PDIA5: variants seen among roughly 807,000 people sequenced by gnomAD.
PDIA5 encodes protein disulfide isomerase family A member 5.
In PDIA5, 58 loss-of-function variants were observed where a neutral mutation model predicts 77.6. The observed-to-expected ratio is 0.75, with a 90% CI of 0.61 to 0.93. The LOEUF (loss-of-function observed/expected upper bound fraction) is 0.93. Ranked by LOEUF, PDIA5 falls within the 40% of genes least tolerant of loss-of-function variation. The pLI, the probability that PDIA5 is intolerant of heterozygous loss-of-function variation, is 0.00. For missense variants in PDIA5, 630 were observed against 647.7 expected, an observed-to-expected ratio of 0.97 and a Z score of 0.30; for synonymous variants, 250 against 252.1, an observed-to-expected ratio of 0.99 and a Z score of 0.08.
chr3:123,137,160 C>G (rs530250357), intron 11 of PDIA5, among the ~76,000 whole-genome samples: 1 of 152,300 alleles, frequency 6.6e-6, no homozygotes, highest in Admixed American at 6.5e-5. Flanking sequence ...CCAAACCCAG[C>G]GGGTGACAGA....
intron 1 of PDIA5, among the ~76,000 whole-genome samples, chr3:123,082,442 T>G (rs953413052): frequency 2.0e-5 from 3 of 152,062 alleles, no homozygotes; most frequent in Non-Finnish European, 4.4e-5. Context: ...ACTGGGGTAT[T>G]GTGAGGGGTA....
intron 10 of PDIA5, among the ~76,000 whole-genome samples, chr3:123,128,120 A>G (rs1935285325): frequency 6.6e-6 from 1 of 152,136 alleles, no homozygotes; most frequent in East Asian, 1.9e-4. Flanking sequence ...GAGAGGGGAG[A>G]GCCCTAGGAT....
chr3:123,093,131 T>G (rs1263295432), intron 3 of PDIA5, among the ~76,000 whole-genome samples: 1 of 152,156 alleles, frequency 6.6e-6, no homozygotes, highest in Non-Finnish European at 1.5e-5. Context: ...CATAACTGAT[T>G]TATAAGTTGA....
intron 8 of PDIA5, among the ~76,000 whole-genome samples, chr3:123,121,679 T>C (rs1017512557): frequency 6.6e-6 from 1 of 152,174 alleles, no homozygotes; most frequent in Non-Finnish European, 1.5e-5. Context: ...GTAAGGGGAC[T>C]GGAAGGCACC....
At chr3:123,117,374 T>TATATA (rs1935019779) in intron 8 of PDIA5, among the ~76,000 whole-genome samples, 1 of 79,870 alleles carries the variant, frequency 1.3e-5, no homozygotes, top group African/African-American at 4.8e-5. Flanking sequence ...TTCTATGATT[T>TATATA]TATATATATA....
intron 14 of PDIA5, among the ~76,000 whole-genome samples, chr3:123,150,787 G>A (rs563382839): frequency 7.7e-4 from 116 of 151,540 alleles, no homozygotes; most frequent in Non-Finnish European, 1.3e-3. Flanking sequence ...CTCTGGAGCC[G>A]TGGCATAGGC....
intron 1 of PDIA5, among the ~76,000 whole-genome samples, chr3:123,079,970 C>T (rs1933954723): frequency 6.6e-6 from 1 of 152,122 alleles, no homozygotes; most frequent in Non-Finnish European, 1.5e-5. Context: ...GCACATTACT[C>T]TTTTCAAGCT....
At chr3:123,152,296 A>T (rs746276007) in intron 14 of PDIA5, among the ~76,000 whole-genome samples, 15 of 152,284 alleles carry the variant, frequency 9.9e-5, no homozygotes, top group Non-Finnish European at 1.5e-4. Context: ...TGAGGGGCTC[A>T]CTGTCTACCC....
At chr3:123,094,342 G>A (rs895892593) in intron 3 of PDIA5, among the ~76,000 whole-genome samples, 9 of 152,230 alleles carry the variant, frequency 5.9e-5, no homozygotes, top group African/African-American at 2.2e-4. Flanking sequence ...CTGGGTGTGA[G>A]TTTGAAATTA....
At chr3:123,084,228 T>A (rs965140562) in intron 1 of PDIA5, among the ~76,000 whole-genome samples, 3 of 152,176 alleles carry the variant, frequency 2.0e-5, no homozygotes, top group African/African-American at 7.2e-5. Context: ...CTGTGGCACT[T>A]CCTTGCACCT....
intron 7 of PDIA5, among the ~76,000 whole-genome samples, chr3:123,112,682 C>T (rs569795807): frequency 1.4e-4 from 21 of 151,796 alleles, no homozygotes; most frequent in Admixed American, 9.8e-4. Context: ...CTCAGCTTCC[C>T]GAGTAGCTGG....
intron 1 of PDIA5, among the ~76,000 whole-genome samples, chr3:123,074,766 A>T (rs1933807334): frequency 6.6e-6 from 1 of 152,228 alleles, no homozygotes. Context: ...TTCATAATAC[A>T]GGAAAGGCTA....
intron 8 of PDIA5, among the ~76,000 whole-genome samples, chr3:123,123,259 A>C (rs1177597543): frequency 6.6e-6 from 1 of 152,184 alleles, no homozygotes; most frequent in Non-Finnish European, 1.5e-5. Context: ...GTTTTAGGGG[A>C]TTCCTTATAT....
At chr3:123,122,882 C>CT (rs1186150225) in intron 8 of PDIA5, among the ~76,000 whole-genome samples, 1 of 152,160 alleles carries the variant, frequency 6.6e-6, no homozygotes, top group African/African-American at 2.4e-5. Flanking sequence ...CTACTGCTGG[C>CT]TTTTTTTACT....
chr3:123,145,893 A>C (rs2107982206), intron 12 of PDIA5, among the ~76,000 whole-genome samples: 3 of 152,350 alleles, frequency 2.0e-5, no homozygotes, highest in Middle Eastern at 6.8e-3. Flanking sequence ...GGCAGATTCA[A>C]AAGCCTCATC....
chr3:123,155,806 C>T (rs1166166568), intron 15 of PDIA5, among the ~76,000 whole-genome samples: 1 of 152,122 alleles, frequency 6.6e-6, no homozygotes, highest in East Asian at 1.9e-4. Flanking sequence ...TCACACACAC[C>T]CAAACCCAGA....
chr3:123,108,507 T>C (rs1934789117), intron 6 of PDIA5, among the ~76,000 whole-genome samples: 1 of 150,180 alleles, frequency 6.7e-6, no homozygotes. Context: ...CTTGAACTCC[T>C]GACCTCAAGT....
chr3:123,106,412 T>A (rs1423502557), intron 5 of PDIA5, among the ~76,000 whole-genome samples: 3 of 152,190 alleles, frequency 2.0e-5, no homozygotes, highest in Admixed American at 6.5e-5. Context: ...CACTAGTATG[T>A]CTCTGGTTTG....
chr3:123,125,468 G>T (rs117306377), intron 10 of PDIA5, among the ~76,000 whole-genome samples: 1 of 152,096 alleles, frequency 6.6e-6, no homozygotes, highest in Admixed American at 6.5e-5. Flanking sequence ...CTGCAGCCCC[G>T]ACAGTCCAAC....
Sources: allele counts gnomAD v4.1 joint callset (sites outside exome capture counted in the v4.1 genomes callset), GRCh38; gene constraint gnomAD v4.1.1; transcripts MANE v1.5; gene names NCBI Gene and HGNC (gene_info 2026-07-23, HGNC 2026-07-21).